The following CYRIB variants were observed in gnomAD, a reference collection of about 807,000 sequenced individuals.
CYRIB encodes CYFIP related Rac1 interactor B.
CYRIB carries 8 observed loss-of-function variants against 44.2 expected under a neutral mutation model. The observed-to-expected ratio is 0.18, with a 90% CI of 0.11 to 0.33. The LOEUF is 0.33. CYRIB is among the 10% of genes least tolerant of loss of function. The probability of loss-of-function intolerance (pLI) is 1.00; values close to 1 mark genes in which losing one functional copy is unlikely to be tolerated. For missense variants in CYRIB, 185 were observed against 382.8 expected (o/e 0.48, Z 4.31); for synonymous variants, 131 against 127.2 (o/e 1.03, Z -0.20).
At chr8:129,912,111 AC>A (rs1314611394) in intron 1 of CYRIB, among the ~76,000 whole-genome samples, 2 of 152,102 alleles carry the variant, frequency 1.3e-5, no homozygotes, top group Admixed American at 6.6e-5. Flanking sequence ...ACATGTTCAA[AC>A]CCCCTTATAA....
At chr8:129,952,111 T>C (rs1297635145) in intron 2 of CYRIB, among the ~76,000 whole-genome samples, 1 of 152,260 alleles carries the variant, frequency 6.6e-6, no homozygotes, top group African/African-American at 2.4e-5. Context: ...AATGGTGCAA[T>C]CTCGGCTTAC....
chr8:129,848,481 G>A (rs1020754711), intron 10 of CYRIB, among the ~76,000 whole-genome samples: 5 of 152,172 alleles, frequency 3.3e-5, no homozygotes, highest in African/African-American at 7.2e-5. Context: ...AAGAAAAGTC[G>A]AGAGCCAACT....
At chr8:130,005,548 G>A (rs555548782) in intron 1 of CYRIB, among the ~76,000 whole-genome samples, 6 of 152,150 alleles carry the variant, frequency 3.9e-5, no homozygotes, top group Non-Finnish European at 8.8e-5. Flanking sequence ...TTCCACCTTC[G>A]ACTGGAATCA....
In CYRIB at chr8:129,993,816, C is replaced by T. The variant is rs147975671; in HGVS notation, c.-296+22554G>A. On this transcript the variant is annotated intron_variant, in intron 1 of 14. Transcript: ENST00000401979. ...AGTGGAGGTTGCAGTGAGCTGAGAC[C>T]GCACCACTGCACTCTAGCCTGGGTG... Among the ~76,000 whole-genome samples the T allele has an allele frequency of 7.9e-3, 1,191 of 151,704 alleles. 20 individuals carry two copies. Among genetic ancestry groups the T allele is most frequent in the African/African-American group, 0.027 (1,123 of 41,290 alleles).
chr8:129,970,028 A>G (rs2095629327), intron 2 of CYRIB, among the ~76,000 whole-genome samples: 1 of 152,220 alleles, frequency 6.6e-6, no homozygotes, highest in African/African-American at 2.4e-5. Flanking sequence ...CTGGGGCAAC[A>G]CTAAGTGCAA....
At chr8:129,871,812 C>T (rs1250011359) in intron 3 of CYRIB, among the ~76,000 whole-genome samples, 2 of 152,112 alleles carry the variant, frequency 1.3e-5, no homozygotes, top group African/African-American at 4.8e-5. Flanking sequence ...ATAGTTTTAA[C>T]AATCACTTTT....
chr8:129,854,614 A>C (rs927821090), intron 6 of CYRIB, among the ~76,000 whole-genome samples: 7 of 152,252 alleles, frequency 4.6e-5, no homozygotes. Flanking sequence ...CAAATAAACA[A>C]AAACAAAAAG....
chr8:129,923,158 G>T (rs529516452), intron 1 of CYRIB, among the ~76,000 whole-genome samples: 2 of 150,336 alleles, frequency 1.3e-5, no homozygotes, highest in Admixed American at 6.6e-5. Flanking sequence ...CAGAAGAATC[G>T]CTTGAACCTG....
rs775792901 is a variant in CYRIB at position 129,975,607 on chromosome 8, C to G, written c.-295-4612G>C. On this transcript the variant is annotated intron_variant, in intron 1 of 14. Coordinates refer to the CYRIB transcript ENST00000401979. ...TACAAGTTAAGAGCACCTGGAAATT[C>G]TGGGTTTGAGACTTTTAAAGCAACA... Among the ~76,000 whole-genome samples the G allele has an allele frequency of 3.3e-5, 5 of 152,182 alleles. No individual in the cohort carries two copies. In the South Asian group the frequency reaches 6.2e-4, roughly 19 times the overall value.
intron 1 of CYRIB, among the ~76,000 whole-genome samples, chr8:129,934,142 C>G (rs1410492535): frequency 6.6e-6 from 1 of 152,150 alleles, no homozygotes; most frequent in Non-Finnish European, 1.5e-5. Flanking sequence ...GTTTTGAACG[C>G]TTTACCTCCC....
chr8:129,853,446 T>C lies in CYRIB; in HGVS notation c.516+820A>G, dbSNP rs201230095. On this transcript the variant is annotated intron_variant, in intron 7 of 11. Transcript: ENST00000519824. ...AATATTTTTTCAAGGAAAAAGAAAATGAATGATAGTCTTTGATATATATAT... is the reference window on the plus strand; with the variant it reads ...AATATTTTTTCAAGGAAAAAGAAAACGAATGATAGTCTTTGATATATATAT... 3.9e-5 allele frequency among the ~76,000 whole-genome samples: 6 copies of C among 152,288 alleles called. No individual in the cohort carries two copies. In the East Asian group the frequency reaches 1.2e-3, roughly 29 times the overall value.
chr8:129,874,649 A>C (rs781280550), intron 3 of CYRIB, among the ~76,000 whole-genome samples: 1 of 152,148 alleles, frequency 6.6e-6, no homozygotes, highest in Non-Finnish European at 1.5e-5. Context: ...GAGAGGGTAC[A>C]GAGACATAAA....
intron 1 of CYRIB, among the ~76,000 whole-genome samples, chr8:129,990,376 A>G (rs2096598312): frequency 6.6e-6 from 1 of 152,178 alleles, no homozygotes; most frequent in South Asian, 2.1e-4. Context: ...ATAATACATA[A>G]TAGGTGTTCA....
intron 1 of CYRIB, among the ~76,000 whole-genome samples, chr8:130,001,290 C>T (rs2096901248): frequency 6.6e-6 from 1 of 152,142 alleles, no homozygotes; most frequent in Admixed American, 6.6e-5. Context: ...AAGTTGGGCA[C>T]ACCCTCTGCA....
chr8:129,983,702 C>G (rs1376212729), intron 1 of CYRIB, among the ~76,000 whole-genome samples: 6 of 152,180 alleles, frequency 3.9e-5, no homozygotes, highest in African/African-American at 1.2e-4. Context: ...GCACCAGCCA[C>G]AGGGATGCGG....
At chr8:129,923,183 T>C (rs1403335345) in intron 1 of CYRIB, among the ~76,000 whole-genome samples, 1 of 147,872 alleles carries the variant, frequency 6.8e-6, no homozygotes, top group African/African-American at 2.5e-5. Context: ...GCAGAGGTTG[T>C]GGTGAGCCGA....
At chr8:129,853,861 G>A (rs1015959750) in intron 7 of CYRIB, among the ~76,000 whole-genome samples, 1 of 152,076 alleles carries the variant, frequency 6.6e-6, no homozygotes, top group Non-Finnish European at 1.5e-5. Context: ...GGAGGAAAAC[G>A]GACTTGGGTT....
intron 1 of CYRIB, among the ~76,000 whole-genome samples, chr8:129,930,994 T>A (rs2091075514): frequency 6.6e-6 from 1 of 152,196 alleles, no homozygotes; most frequent in Non-Finnish European, 1.5e-5. Context: ...ACATTTAGTA[T>A]CTAACATTTA....
At chr8:129,912,603 C>T (rs1254422027) in intron 1 of CYRIB, 1 of 152,106 alleles carries the variant, frequency 6.6e-6, no homozygotes, top group Non-Finnish European at 1.5e-5. Flanking sequence ...GGACTGGGAA[C>T]AGAGAAGGTG....
Sources: allele counts gnomAD v4.1 joint callset (sites outside exome capture counted in the v4.1 genomes callset), GRCh38; gene constraint gnomAD v4.1.1; transcripts MANE v1.5; gene names NCBI Gene and HGNC (gene_info 2026-07-23, HGNC 2026-07-21).